Variants in ACSM3 observed in about 807,000 individuals in gnomAD.
The protein encoded by ACSM3 is acyl-coenzyme A synthetase ACSM3, mitochondrial.
A neutral mutation model predicts 74.1 loss-of-function variants in ACSM3; 61 were observed. The ratio of observed to expected loss-of-function variants is 0.82; its 90% CI spans 0.67 to 1.02. ACSM3 has a LOEUF of 1.02. Ranked by LOEUF, ACSM3 falls within the 50% of genes least tolerant of loss-of-function variation. The probability of loss-of-function intolerance (pLI) is 0.00; values close to 1 mark genes in which losing one functional copy is unlikely to be tolerated. For synonymous variants in ACSM3, 213 were observed against 241.5 expected (o/e 0.88, Z 1.09); for missense variants, 660 against 697.0 (o/e 0.95, Z 0.60).
intron 1 of ACSM3, among the ~76,000 whole-genome samples, chr16:20,740,856 GA>G (rs2079912123): frequency 6.6e-6 from 1 of 152,206 alleles, no homozygotes. Context: ...TATTATTTCA[GA>G]AATATTATTG....
chr16:20,736,425 A>G (rs2079869987), intron 1 of ACSM3: 1 of 153,786 alleles, frequency 6.5e-6, no homozygotes, highest in Non-Finnish European at 1.4e-5. Flanking sequence ...TCACAAAAGT[A>G]CAAAAACTTC....
In ACSM3 at chr16:20,792,022, T is replaced by A; in HGVS notation, c.1347T>A (p.Ala449=). 6.2e-7 allele frequency: 1 copy of A among 1,614,086 alleles called. No homozygotes were observed. The highest frequency in any genetic ancestry group is 8.5e-7 in the Non-Finnish European group (1 of 1,179,972). Residue 449 remains alanine, a synonymous_variant, in exon 11 of 14, where the codon GCT becomes GCA. Coordinates refer to ENST00000289416, the MANE Select transcript of ACSM3 (RefSeq NM_005622.4). The part of the protein sequence containing the change: ...THYVDNPSKT[A]STLRGNFYIT... ...TGCAGGATAATCCTTCAAAAACAGCTTCAACTCTACGAGGCAATTTCTATA... is the reference window on the plus strand; with the variant it reads ...TGCAGGATAATCCTTCAAAAACAGCATCAACTCTACGAGGCAATTTCTATA...
chr16:20,695,680 CATCTATCT>C (rs35535609), intron 1 of ACSM3, among the ~76,000 whole-genome samples: 2 of 150,910 alleles, frequency 1.3e-5, no homozygotes, highest in African/African-American at 4.9e-5. Context: ...ATCTATCTAT[CATCTATCT>C]ATCTATCTAT....
intron 1 of ACSM3, chr16:20,738,976 A>G: frequency 1.9e-6 from 3 of 1,614,196 alleles, no homozygotes; most frequent in Non-Finnish European, 2.5e-6. Context: ...TCATCTCTGT[A>G]GATGCCTTAA....
chr16:20,764,293 A>G (rs1172975148), intron 1 of ACSM3, among the ~76,000 whole-genome samples, 168 bp downstream of exon 1: 2 of 152,254 alleles, frequency 1.3e-5, no homozygotes, highest in African/African-American at 4.8e-5. Flanking sequence ...GATACTATCT[A>G]TTAAGTGATG....
chr16:20,787,479 A>T (rs868117340), intron 9 of ACSM3, among the ~76,000 whole-genome samples: 1 of 152,208 alleles, frequency 6.6e-6, no homozygotes, highest in Non-Finnish European at 1.5e-5. Flanking sequence ...CATCATATGG[A>T]TATCTGTTAA....
intron 1 of ACSM3, among the ~76,000 whole-genome samples, chr16:20,706,654 G>A (rs993502055): frequency 4.6e-5 from 7 of 152,176 alleles, no homozygotes; most frequent in African/African-American, 9.7e-5. Flanking sequence ...CCTCATGTTT[G>A]TTGAAAGCCC....
At chr16:20,743,160 A>G (rs537095561) in intron 1 of ACSM3, among the ~76,000 whole-genome samples, 1 of 151,936 alleles carries the variant, frequency 6.6e-6, no homozygotes, top group Non-Finnish European at 1.5e-5. Context: ...GGATGGTCTC[A>G]ATCTCCTGAC....
At chr16:20,746,149 T>C (rs1567335327) in intron 1 of ACSM3, among the ~76,000 whole-genome samples, 1 of 152,140 alleles carries the variant, frequency 6.6e-6, no homozygotes, top group Non-Finnish European at 1.5e-5. Context: ...ATGGAAATAA[T>C]AATACTCACA....
At chr16:20,716,786 T>C (rs959802101) in intron 1 of ACSM3, among the ~76,000 whole-genome samples, 2 of 152,276 alleles carry the variant, frequency 1.3e-5, no homozygotes, top group Non-Finnish European at 2.9e-5. Context: ...ACCCAACTTA[T>C]GTACTCTTAA....
chr16:20,718,419 TG>T, intron 1 of ACSM3: 1 of 779,600 alleles, frequency 1.3e-6, no homozygotes, highest in Non-Finnish European at 1.8e-6. Flanking sequence ...ATTTCACCAG[TG>T]GGACGACAGG....
At chr16:20,702,070 G>C (rs1156576693) in intron 1 of ACSM3, among the ~76,000 whole-genome samples, 1 of 152,186 alleles carries the variant, frequency 6.6e-6, no homozygotes, top group Non-Finnish European at 1.5e-5. Flanking sequence ...TAATGGGATT[G>C]CTGGGTCAAA....
At chr16:20,688,015 G>T (rs1208977894) in intron 1 of ACSM3, among the ~76,000 whole-genome samples, 3 of 151,846 alleles carry the variant, frequency 2.0e-5, no homozygotes, top group Admixed American at 6.6e-5. Flanking sequence ...AACCCAGGAG[G>T]TGGAGATTGC....
chr16:20,705,358 G>GTGA (rs1484534051), intron 1 of ACSM3, among the ~76,000 whole-genome samples: 1 of 144,716 alleles, frequency 6.9e-6, no homozygotes. Context: ...GGGCGACAGA[G>GTGA]CGAGACTCCG....
intron 1 of ACSM3, among the ~76,000 whole-genome samples, chr16:20,686,073 G>A (rs1456514503): frequency 6.6e-6 from 1 of 151,942 alleles, no homozygotes; most frequent in Non-Finnish European, 1.5e-5. Context: ...TTATTACCTA[G>A]AAAGTAGCAA....
At chr16:20,741,757 A>G in intron 1 of ACSM3, 1 of 1,557,628 alleles carries the variant, frequency 6.4e-7, no homozygotes, top group South Asian at 1.2e-5. Context: ...GCAAACTGAG[A>G]GGAAAGAGAA....
chr16:20,729,812 A>G (rs969307853), intron 1 of ACSM3, among the ~76,000 whole-genome samples: 2 of 152,132 alleles, frequency 1.3e-5, no homozygotes, highest in Admixed American at 6.5e-5. Context: ...TTTGGCTCAT[A>G]TAAATGACAA....
intron 12 of ACSM3, among the ~76,000 whole-genome samples, chr16:20,793,161 T>C (rs2356269): frequency 0.62 from 94,440 of 151,992 alleles, 30,448 homozygotes; most frequent in Non-Finnish European, 0.72. Flanking sequence ...TCTCAGGGGA[T>C]GAAATAGGTC....
chr16:20,741,453 T>G, intron 1 of ACSM3: 2 of 1,473,576 alleles, frequency 1.4e-6, no homozygotes, highest in Non-Finnish European at 1.8e-6. Context: ...CCTCCACCCT[T>G]CCCTCCTCCC....
Sources: allele counts gnomAD v4.1 joint callset (sites outside exome capture counted in the v4.1 genomes callset), GRCh38; gene constraint gnomAD v4.1.1; transcripts MANE v1.5; gene names NCBI Gene and HGNC (gene_info 2026-07-23, HGNC 2026-07-21).